ME3: variants seen among roughly 807,000 people sequenced by gnomAD.
ME3 encodes the protein NADP-dependent malic enzyme, mitochondrial.
ME3 carries 48 observed loss-of-function variants against 68.9 expected under a neutral mutation model. That is an observed-to-expected ratio of 0.70 (90% CI 0.55 to 0.89). The LOEUF (loss-of-function observed/expected upper bound fraction) is 0.89. Ranked by LOEUF, ME3 falls within the 40% of genes least tolerant of loss-of-function variation. ME3 has a pLI of 0.00. For synonymous variants in ME3, 320 were observed against 318.8 expected (o/e 1.00, Z -0.04); for missense variants, 675 against 797.4 (o/e 0.85, Z 1.85).
intron 5 of ME3, among the ~76,000 whole-genome samples, chr11:86,499,080 C>T (rs1004607041): frequency 6.6e-6 from 1 of 152,146 alleles, no homozygotes; most frequent in African/African-American, 2.4e-5. Context: ...GATAACCCTT[C>T]ATGGGTGAAC....
In ME3 at chr11:86,488,250, G is replaced by A. The variant is rs189979272; in HGVS notation, c.706-810C>T. Among the ~76,000 whole-genome samples, 10 of 152,270 alleles carry A rather than the reference G, an allele frequency of 6.6e-5. 1 individual carries two copies. The highest frequency in any genetic ancestry group is 4.6e-4 in the Admixed American group (7 of 15,304). The stretch of plus-strand genomic sequence containing the variant: ...TCTTCTTAGGGACAAAACTGTCACC[G>A]GTTGAGAACCACTGTAGCTGACTTC... On this transcript the variant is annotated intron_variant, in intron 6 of 14. Transcript: ENST00000543262.
chr11:86,568,212 T>A (rs557360348), intron 2 of ME3, among the ~76,000 whole-genome samples: 54 of 152,330 alleles, frequency 3.5e-4, no homozygotes, highest in African/African-American at 1.3e-3. Context: ...GGGACCTGAC[T>A]ATTGTTACTA....
chr11:86,478,586 T>C (rs926850908), intron 7 of ME3, among the ~76,000 whole-genome samples: 3 of 152,294 alleles, frequency 2.0e-5, no homozygotes, highest in Non-Finnish European at 2.9e-5. Context: ...CTTTTGTTGC[T>C]CAAGAACCTA....
intron 2 of ME3, among the ~76,000 whole-genome samples, chr11:86,593,790 T>A (rs1239967340): frequency 6.8e-6 from 1 of 146,690 alleles, no homozygotes; most frequent in African/African-American, 2.5e-5. Context: ...ATGTTATGAT[T>A]AGCATTTTCC....
At chr11:86,460,370 G>A (rs1266712453) in intron 8 of ME3, among the ~76,000 whole-genome samples, 1 of 152,204 alleles carries the variant, frequency 6.6e-6, no homozygotes. Flanking sequence ...TGAGCACATG[G>A]TACAGTGGGA....
intron 2 of ME3, among the ~76,000 whole-genome samples, chr11:86,651,694 C>A (rs1235180203): frequency 6.6e-6 from 1 of 152,138 alleles, no homozygotes; most frequent in African/African-American, 2.4e-5. Flanking sequence ...GCACCTCTGC[C>A]CCTTCAAAGG....
intron 2 of ME3, among the ~76,000 whole-genome samples, chr11:86,593,604 G>T (rs1594581892): frequency 6.8e-6 from 1 of 146,080 alleles, no homozygotes; most frequent in African/African-American, 2.5e-5. Flanking sequence ...GTAATATTAC[G>T]CACAGAAAAG....
chr11:86,568,198 G>A (rs751472642), intron 2 of ME3, among the ~76,000 whole-genome samples: 2 of 152,186 alleles, frequency 1.3e-5, no homozygotes, highest in African/African-American at 2.4e-5. Context: ...AGGACATGCT[G>A]GTAGGGACCT....
chr11:86,517,102 AATTC>A (rs1953950479), intron 4 of ME3, among the ~76,000 whole-genome samples: 1 of 152,162 alleles, frequency 6.6e-6, no homozygotes, highest in Non-Finnish European at 1.5e-5. Context: ...TCGTGGAAGC[AATTC>A]ATTCTGTTCT....
At chr11:86,635,810 T>C (rs1944299277) in intron 2 of ME3, among the ~76,000 whole-genome samples, 1 of 152,232 alleles carries the variant, frequency 6.6e-6, no homozygotes, top group Non-Finnish European at 1.5e-5. Context: ...ACACAGCCTA[T>C]GTCATTTCCC....
rs577062792 is a variant in ME3, at chr11:86,461,549, A to G, written c.919+3542T>C. ...AGTTGAGCTGTGATGCAGGCCCCAA[A>G]GCCTCAGCCAGCTCCATGGGGAGCT... On this transcript the variant is annotated intron_variant, in intron 8 of 14. Coordinates refer to ENST00000543262, the Ensembl canonical transcript of ME3. Among the ~76,000 whole-genome samples, 74 of 152,316 alleles carry G rather than the reference A, an allele frequency of 4.9e-4. 1 individual carries two copies. In the South Asian group the frequency reaches 5.2e-3, roughly 11 times the overall value.
At chr11:86,667,651 T>C (rs1447379622) in intron 2 of ME3, 1 of 152,174 alleles carries the variant, frequency 6.6e-6, no homozygotes, top group East Asian at 1.9e-4. Context: ...GCCATTGTAA[T>C]AGTGTGCTCA....
chr11:86,508,964 G>T, intron 4 of ME3, 97 bp from the exon 5 acceptor site: 2 of 1,003,386 alleles, frequency 2.0e-6, no homozygotes, highest in African/African-American at 1.6e-5. Context: ...AATTAAATTT[G>T]CCCATAGACC....
chr11:86,475,871 A>G (rs1260049450), intron 7 of ME3, among the ~76,000 whole-genome samples: 1 of 127,376 alleles, frequency 7.9e-6, no homozygotes, highest in Non-Finnish European at 1.7e-5. Flanking sequence ...ATATATATAT[A>G]TATAGAGAGA....
At chr11:86,635,441 T>C (rs1446790941) in intron 2 of ME3, among the ~76,000 whole-genome samples, 1 of 152,228 alleles carries the variant, frequency 6.6e-6, no homozygotes, top group East Asian at 1.9e-4. Context: ...CAGTCTATGG[T>C]ATTTTGTTAT....
At chr11:86,641,507 A>T (rs559071176) in intron 2 of ME3, among the ~76,000 whole-genome samples, 2 of 152,328 alleles carry the variant, frequency 1.3e-5, no homozygotes, top group African/African-American at 4.8e-5. Context: ...CTACAATATT[A>T]TGAAATGTTT....
chr11:86,532,403 A>T (rs1395682704), intron 4 of ME3, among the ~76,000 whole-genome samples: 1 of 152,214 alleles, frequency 6.6e-6, no homozygotes, highest in Non-Finnish European at 1.5e-5. Flanking sequence ...TTCCAACTGC[A>T]ACAGAATACA....
At chr11:86,478,324 C>CAAA (rs57349808) in intron 7 of ME3, among the ~76,000 whole-genome samples, 2 of 62,898 alleles carry the variant, frequency 3.2e-5, no homozygotes, top group African/African-American at 5.9e-5. Flanking sequence ...GCCTAAGGAC[C>CAAA]AAAAAAAAAA....
At chr11:86,654,196 A>G (rs1945688197) in intron 2 of ME3, among the ~76,000 whole-genome samples, 1 of 152,212 alleles carries the variant, frequency 6.6e-6, no homozygotes, top group Non-Finnish European at 1.5e-5. Flanking sequence ...ATTCCTCCTG[A>G]AACTATTCCA....
Sources: gnomAD v4.1 joint callset for allele counts (sites outside exome capture counted in the v4.1 genomes callset) on GRCh38, gnomAD v4.1.1 for gene constraint, MANE v1.5 for transcripts, NCBI Gene and HGNC (gene_info 2026-07-23, HGNC 2026-07-21) for gene names.